Variants in LRP1B observed in about 807,000 individuals in gnomAD.
LRP1B encodes low-density lipoprotein receptor-related protein 1B.
A neutral mutation model predicts 556.6 loss-of-function variants in LRP1B; 217 were observed. The observed-to-expected ratio is 0.39, with a 90% CI of 0.35 to 0.44. The LOEUF is 0.44. LRP1B is among the 20% of genes least tolerant of loss of function. The pLI is 1.00. For missense variants in LRP1B, 5,053 were observed against 5,620.8 expected (o/e 0.90, Z 3.23); for synonymous variants, 2,047 against 1,865.8 (o/e 1.10, Z -2.50).
intron 2 of LRP1B, among the ~76,000 whole-genome samples, chr2:141,522,132 GA>G (rs1211546687): frequency 6.6e-6 from 1 of 152,090 alleles, no homozygotes; most frequent in Non-Finnish European, 1.5e-5. Flanking sequence ...GAACTTGCTA[GA>G]AATGCAAATT....
chr2:141,124,966 T>C (rs1701165060), intron 7 of LRP1B, among the ~76,000 whole-genome samples: 1 of 152,156 alleles, frequency 6.6e-6, no homozygotes, highest in African/African-American at 2.4e-5. Flanking sequence ...TGTGTCAGTC[T>C]AGTGAACCAG....
At chr2:140,338,264 A>G (rs1468082516) in intron 77 of LRP1B, among the ~76,000 whole-genome samples, 2 of 151,836 alleles carry the variant, frequency 1.3e-5, no homozygotes, top group East Asian at 3.9e-4. Context: ...GATATCATAA[A>G]TGACAAGATG....
At chr2:141,246,052 A>T (rs182583187) in intron 5 of LRP1B, among the ~76,000 whole-genome samples, 246 of 152,306 alleles carry the variant, frequency 1.6e-3, no homozygotes, top group African/African-American at 5.5e-3. Flanking sequence ...TCCTGTGATA[A>T]ATATATATAA....
chr2:141,956,592 G>A (rs879633648), intron 1 of LRP1B, among the ~76,000 whole-genome samples: 19 of 140,012 alleles, frequency 1.4e-4, no homozygotes, highest in Admixed American at 7.6e-4. Context: ...TATTAACGCC[G>A]TGAAATTTAT....
chr2:141,969,649 T>G (rs903033098), intron 1 of LRP1B, among the ~76,000 whole-genome samples: 4 of 151,704 alleles, frequency 2.6e-5, no homozygotes, highest in Non-Finnish European at 5.9e-5. Context: ...CATTCATCTG[T>G]CAATGGACAT....
intron 5 of LRP1B, among the ~76,000 whole-genome samples, chr2:141,236,179 G>A (rs1320925068): frequency 6.6e-6 from 1 of 151,990 alleles, no homozygotes; most frequent in Non-Finnish European, 1.5e-5. Context: ...TATTTAAATT[G>A]ACATAAATTG....
rs541757188 is a variant in LRP1B at position 141,654,908 on chromosome 2, G to T, written c.205+155371C>A. Among the ~76,000 whole-genome samples the T allele has an allele frequency of 2.0e-5, 3 of 152,180 alleles. No homozygotes were observed. In the East Asian group the frequency reaches 5.8e-4, roughly 29 times the overall value. ...AAGTTGTCTTGGTGTTATAACAGTC[G>T]GGATAGAAATAAGACAGTAATGTTA... On this transcript the variant is annotated intron_variant, in intron 2 of 90. Transcript: ENST00000389484.
chr2:140,744,539 C>T (rs891813981), intron 35 of LRP1B, among the ~76,000 whole-genome samples: 2 of 152,130 alleles, frequency 1.3e-5, no homozygotes, highest in South Asian at 2.1e-4. Flanking sequence ...GCTCACAGAG[C>T]GGCAATTTAC....
chr2:141,655,818 G>A (rs1357908225), intron 2 of LRP1B, among the ~76,000 whole-genome samples: 1 of 152,012 alleles, frequency 6.6e-6, no homozygotes, highest in African/African-American at 2.4e-5. Flanking sequence ...TTAGGTTTCA[G>A]TTATTACTTT....
At chr2:140,852,502 C>T (rs1692490523) in intron 27 of LRP1B, among the ~76,000 whole-genome samples, 1 of 152,158 alleles carries the variant, frequency 6.6e-6, no homozygotes, top group African/African-American at 2.4e-5. Flanking sequence ...TCCCTTCTTG[C>T]CTTGGCACAC....
At chr2:141,211,331 A>G (rs1682540914) in intron 6 of LRP1B, among the ~76,000 whole-genome samples, 1 of 151,588 alleles carries the variant, frequency 6.6e-6, no homozygotes. Context: ...ACAAAAACTA[A>G]GCATTCAGGG....
At chr2:141,765,712 G>C (rs531760222) in intron 2 of LRP1B, among the ~76,000 whole-genome samples, 2 of 152,286 alleles carry the variant, frequency 1.3e-5, no homozygotes, top group Non-Finnish European at 2.9e-5. Flanking sequence ...CATCCAAGCT[G>C]TTCAGTTTCA....
chr2:140,379,253 T>C (rs1683368284), intron 67 of LRP1B, among the ~76,000 whole-genome samples: 1 of 152,222 alleles, frequency 6.6e-6, no homozygotes, highest in Non-Finnish European at 1.5e-5. Context: ...CATTAAGGAA[T>C]ATCCATATGA....
intron 2 of LRP1B, among the ~76,000 whole-genome samples, chr2:141,568,973 G>C (rs1390189623): frequency 6.8e-6 from 1 of 147,778 alleles, no homozygotes; most frequent in African/African-American, 2.5e-5. Flanking sequence ...TCACCATGTT[G>C]GCCAGGCTGG....
chr2:140,901,816 T>A (rs1463203946), intron 23 of LRP1B, among the ~76,000 whole-genome samples: 1 of 152,184 alleles, frequency 6.6e-6, no homozygotes, highest in Non-Finnish European at 1.5e-5. Flanking sequence ...CTTTATTTGA[T>A]AGCATATTTT....
chr2:141,456,020 G>C (rs1559079913), intron 3 of LRP1B, among the ~76,000 whole-genome samples: 1 of 152,156 alleles, frequency 6.6e-6, no homozygotes, highest in African/African-American at 2.4e-5. Flanking sequence ...ACAAACAGCA[G>C]GAAGCAGTGA....
intron 1 of LRP1B, among the ~76,000 whole-genome samples, chr2:141,811,190 A>G (rs1696342191): frequency 1.3e-5 from 2 of 152,050 alleles, no homozygotes; most frequent in South Asian, 4.1e-4. Flanking sequence ...ATTATTCTTT[A>G]CATCTTAATA....
intron 6 of LRP1B, among the ~76,000 whole-genome samples, chr2:141,194,124 G>A (rs1255964714): frequency 1.3e-5 from 2 of 151,650 alleles, no homozygotes; most frequent in Non-Finnish European, 2.9e-5. Context: ...TTCTTTCATC[G>A]ACTGTAAATA....
At chr2:140,247,054 G>T (rs569037083) in intron 87 of LRP1B, 32 bp downstream of exon 87, 1 of 1,492,824 alleles carries the variant, frequency 6.7e-7, no homozygotes, top group South Asian at 1.1e-5. Flanking sequence ...ATACAGTGTA[G>T]ATTACCCAAA....
Sources: allele counts gnomAD v4.1 joint callset (sites outside exome capture counted in the v4.1 genomes callset), GRCh38; gene constraint gnomAD v4.1.1; transcripts MANE v1.5; gene names NCBI Gene and HGNC (gene_info 2026-07-23, HGNC 2026-07-21).